FLT1: variants seen among roughly 807,000 people sequenced by gnomAD.
FLT1 encodes the protein vascular endothelial growth factor receptor 1.
Under a neutral mutation model 156.3 loss-of-function variants are expected in FLT1, and 49 were observed. The observed-to-expected ratio is 0.31, with a 90% CI of 0.25 to 0.40. The LOEUF (loss-of-function observed/expected upper bound fraction) is 0.40, where lower values mean the gene tolerates loss of function less well. Among genes scored for constraint, FLT1 ranks in the 10% least tolerant of loss-of-function variants. The probability of loss-of-function intolerance (pLI) is 1.00; values close to 1 mark genes in which losing one functional copy is unlikely to be tolerated. For synonymous variants in FLT1, 594 were observed against 583.8 expected (o/e 1.02, Z -0.25); for missense variants, 1,322 against 1,637.2 (o/e 0.81, Z 3.32).
intron 8 of FLT1, among the ~76,000 whole-genome samples, chr13:28,428,475 GAA>G (rs66872828): frequency 1.1e-4 from 16 of 143,770 alleles, no homozygotes; most frequent in East Asian, 2.0e-4. Flanking sequence ...TTAAGGCACA[GAA>G]AAAAAAAAAA....
chr13:28,388,646 G>A, intron 13 of FLT1: 1 of 1,056,254 alleles, frequency 9.5e-7, no homozygotes, highest in Admixed American at 5.4e-5. Context: ...TGCTTCTGTA[G>A]TTTTGCCGCT....
chr13:28,399,182 G>T, intron 11 of FLT1: 2 of 1,196,780 alleles, frequency 1.7e-6, no homozygotes, highest in South Asian at 2.9e-5. Context: ...AGGAAGCTTA[G>T]ACCCTTCAAA....
intron 3 of FLT1, among the ~76,000 whole-genome samples, chr13:28,460,621 C>T (rs2137607763): frequency 6.6e-6 from 1 of 152,182 alleles, no homozygotes; most frequent in South Asian, 2.1e-4. Context: ...GCCACATTTT[C>T]TCCAGACCTC....
At chr13:28,442,494 C>A (rs1878382072) in intron 3 of FLT1, among the ~76,000 whole-genome samples, 1 of 151,950 alleles carries the variant, frequency 6.6e-6, no homozygotes, top group Non-Finnish European at 1.5e-5. Context: ...ACTGTGGATC[C>A]CCAAAAAACT....
At chr13:28,414,915 A>G (rs1403265856) in intron 10 of FLT1, among the ~76,000 whole-genome samples, 1 of 152,154 alleles carries the variant, frequency 6.6e-6, no homozygotes, top group African/African-American at 2.4e-5. Flanking sequence ...TACACCCCTG[A>G]CCTAAGCACT....
At chr13:28,303,501 C>CT (rs1004305457) in intron 29 of FLT1, 133 bp from the exon 30 acceptor site, 11 of 776,094 alleles carry the variant, frequency 1.4e-5, no homozygotes, top group African/African-American at 3.4e-5. Flanking sequence ...AACCCCCCCC[C>CT]CCTCAATTGC....
chr13:28,465,026 A>C (rs1433054346), intron 3 of FLT1, among the ~76,000 whole-genome samples: 2 of 152,176 alleles, frequency 1.3e-5, no homozygotes, highest in Non-Finnish European at 2.9e-5. Context: ...TGTCGGAAAG[A>C]ACACAATATG....
At chr13:28,327,424 T>C in intron 20 of FLT1, 38 bp downstream of exon 20, 1 of 1,227,530 alleles carries the variant, frequency 8.1e-7, no homozygotes, top group Non-Finnish European at 1.2e-6. Context: ...GAAAACTCAT[T>C]GCTATCTTTA....
chr13:28,434,807 C>T (rs190724453), intron 4 of FLT1, among the ~76,000 whole-genome samples: 3 of 152,244 alleles, frequency 2.0e-5, no homozygotes, highest in East Asian at 3.9e-4. Context: ...CGCTTGAACC[C>T]GGGAGGCAGA....
chr13:28,468,009 T>C (rs750026556), intron 1 of FLT1, among the ~76,000 whole-genome samples: 1 of 152,240 alleles, frequency 6.6e-6, no homozygotes, highest in Non-Finnish European at 1.5e-5. Context: ...AAATATATTT[T>C]CAATACTGAA....
intron 3 of FLT1, among the ~76,000 whole-genome samples, chr13:28,438,914 G>A (rs181181150): frequency 1.2e-3 from 180 of 152,338 alleles, no homozygotes; most frequent in Non-Finnish European, 2.3e-3. Flanking sequence ...GAGCTGCTTA[G>A]GGGGAGGCGG....
intron 15 of FLT1, among the ~76,000 whole-genome samples, chr13:28,347,723 T>A (rs113187194): frequency 0.036 from 5,539 of 152,336 alleles, 292 homozygotes; most frequent in Admixed American, 0.15. Flanking sequence ...CAATAACTCA[T>A]TGGCCCTTAT....
rs1870549163 is a variant in FLT1 at position 28,302,348 on chromosome 13, G to A, written c.*819C>T. On this transcript the variant is annotated 3_prime_UTR_variant, in exon 30 of 30. Transcript: ENST00000282397. The stretch of plus-strand genomic sequence containing the variant: ...GTGCATCTTACTAGAGGAGCCAAAA[G>A]TATGGGCTCAGAGTTGAGTGCCACC... 1 of 233,214 alleles carries A rather than the reference G, an allele frequency of 4.3e-6. No individual in the cohort carries two copies. Among genetic ancestry groups the A allele is most frequent in the African/African-American group, 2.2e-5 (1 of 45,350 alleles). The allele number at this position is 233,214 out of a possible 1,614,324, so 14.4% of individuals were successfully genotyped here.
At chr13:28,360,501 G>A (rs971112522) in intron 14 of FLT1, among the ~76,000 whole-genome samples, 1 of 152,164 alleles carries the variant, frequency 6.6e-6, no homozygotes, top group Non-Finnish European at 1.5e-5. Flanking sequence ...GAATACTACA[G>A]CCTTAAAAAA....
intron 11 of FLT1, among the ~76,000 whole-genome samples, chr13:28,402,352 C>T (rs1406254426): frequency 6.6e-6 from 1 of 152,144 alleles, no homozygotes; most frequent in Non-Finnish European, 1.5e-5. Flanking sequence ...GGAAAAAGCA[C>T]TGCATATAAT....
chr13:28,475,421 T>C (rs1880486970), intron 1 of FLT1, among the ~76,000 whole-genome samples: 2 of 152,218 alleles, frequency 1.3e-5, no homozygotes, highest in South Asian at 2.1e-4. Flanking sequence ...TTTATCTAAA[T>C]AGAGATCCCT....
At chr13:28,349,460 ATG>A (rs1306334526) in intron 15 of FLT1, among the ~76,000 whole-genome samples, 29 of 120,038 alleles carry the variant, frequency 2.4e-4, no homozygotes, top group African/African-American at 7.7e-4. Flanking sequence ...ACACACACAC[ATG>A]CGCACACGCA....
chr13:28,335,283 T>G (rs1409129709), intron 17 of FLT1, among the ~76,000 whole-genome samples: 1 of 152,138 alleles, frequency 6.6e-6, no homozygotes, highest in Non-Finnish European at 1.5e-5. Flanking sequence ...TGGTTAAAAC[T>G]ATTATAAATC....
At chr13:28,324,952 T>C (rs1593681358) in intron 20 of FLT1, among the ~76,000 whole-genome samples, 1 of 152,244 alleles carries the variant, frequency 6.6e-6, no homozygotes, top group African/African-American at 2.4e-5. Context: ...TGGCAGAATA[T>C]AGTGAATTTA....
Sources: gnomAD v4.1 joint callset for allele counts (sites outside exome capture counted in the v4.1 genomes callset) on GRCh38, gnomAD v4.1.1 for gene constraint, MANE v1.5 for transcripts, NCBI Gene and HGNC (gene_info 2026-07-23, HGNC 2026-07-21) for gene names.